ITGA2: variants seen among roughly 807,000 people sequenced by gnomAD.
The protein encoded by ITGA2 is integrin alpha-2.
In ITGA2, 101 loss-of-function variants were observed where a neutral mutation model predicts 146.3. The observed-to-expected ratio is 0.69, with a 90% CI of 0.59 to 0.81. ITGA2 has a LOEUF of 0.81. Among genes scored for constraint, ITGA2 ranks in the 40% least tolerant of loss-of-function variants. The pLI is 0.00. For synonymous variants in ITGA2, 477 were observed against 487.1 expected (o/e 0.98, Z 0.27); for missense variants, 1,281 against 1,402.7 (o/e 0.91, Z 1.39).
chr5:53,029,883 G>A (rs1163158616), intron 2 of ITGA2, among the ~76,000 whole-genome samples: 1 of 152,210 alleles, frequency 6.6e-6, no homozygotes, highest in African/African-American at 2.4e-5. Flanking sequence ...AGATGTTTGA[G>A]CTGAAAGGGA....
At chr5:53,078,508 C>T (rs1333597588) in intron 23 of ITGA2, among the ~76,000 whole-genome samples, 2 of 152,042 alleles carry the variant, frequency 1.3e-5, no homozygotes, top group Admixed American at 1.3e-4. Flanking sequence ...TATTTAGAAA[C>T]TTGAGAATTG....
chr5:53,059,287 C>G (rs1744794142), intron 10 of ITGA2, among the ~76,000 whole-genome samples: 1 of 151,840 alleles, frequency 6.6e-6, no homozygotes, highest in African/African-American at 2.4e-5. Context: ...AAAGTTGCCT[C>G]TTGTAGCTGT....
intron 6 of ITGA2, 98 bp downstream of exon 6, chr5:53,048,868 A>G (rs1744217865): frequency 1.6e-6 from 2 of 1,288,134 alleles, no homozygotes; most frequent in South Asian, 2.5e-5. Flanking sequence ...CCAAATCCCC[A>G]TTTTAAATGC....
intron 1 of ITGA2, among the ~76,000 whole-genome samples, chr5:53,024,781 CAG>C (rs982735224): frequency 2.0e-5 from 3 of 152,116 alleles, no homozygotes; most frequent in Non-Finnish European, 2.9e-5. Flanking sequence ...GGCTGGAACA[CAG>C]GGAGGGAGGA....
chr5:53,026,950 G>T, intron 2 of ITGA2, 82 bp downstream of exon 2: 1 of 1,241,826 alleles, frequency 8.1e-7, no homozygotes, highest in South Asian at 1.3e-5. Context: ...TTTCAAATTG[G>T]TGCCTGACTG....
chr5:53,086,549 A>C (rs1746165008), intron 27 of ITGA2, among the ~76,000 whole-genome samples: 1 of 152,222 alleles, frequency 6.6e-6, no homozygotes, highest in Non-Finnish European at 1.5e-5. Context: ...TGCCAAGTTT[A>C]CAATTTTCTC....
At chr5:53,079,044 C>T (rs1446454447) in intron 24 of ITGA2, among the ~76,000 whole-genome samples, 170 bp downstream of exon 24, 2 of 152,144 alleles carry the variant, frequency 1.3e-5, no homozygotes, top group Non-Finnish European at 2.9e-5. Context: ...AGATGCTGGG[C>T]TTTATCTCCA....
chr5:52,989,376 A>G lies in ITGA2; in HGVS notation c.-93A>G, dbSNP rs1001815408. 4 of 1,316,810 alleles carry G rather than the reference A, an allele frequency of 3.0e-6. No individual in the cohort carries two copies. The highest frequency in any genetic ancestry group is 1.4e-5 in the African/African-American group (1 of 69,346). The allele number at this position is 1,316,810 out of a possible 1,614,324, so 81.6% of individuals were successfully genotyped here. ...GAGAGAAGCCCTCTGGACAGCTTCT[A>G]GAGTGTGCAGGTTCTCGTATCCCTC... is the stretch of plus-strand genomic sequence containing the variant. On this transcript the variant is annotated 5_prime_UTR_variant, in exon 1 of 30. Coordinates refer to ENST00000296585, the MANE Select transcript of ITGA2 (RefSeq NM_002203.4).
chr5:52,991,298 G>A (rs945550210), intron 1 of ITGA2, among the ~76,000 whole-genome samples: 1 of 152,052 alleles, frequency 6.6e-6, no homozygotes, highest in Non-Finnish European at 1.5e-5. Flanking sequence ...AAGCAGCATC[G>A]TTTTTTGGTA....
chr5:52,994,429 G>A (rs571953153), intron 1 of ITGA2, among the ~76,000 whole-genome samples: 1 of 152,308 alleles, frequency 6.6e-6, no homozygotes, highest in African/African-American at 2.4e-5. Flanking sequence ...CAGGCATCTG[G>A]GCTGTGTCTG....
chr5:53,044,199 C>T (rs3212671), intron 3 of ITGA2, among the ~76,000 whole-genome samples: 3,305 of 128,854 alleles, frequency 0.026, 64 homozygotes, highest in Admixed American at 0.036. Flanking sequence ...TGCTAGAACC[C>T]GGGAGGCAGA....
chr5:52,998,354 T>C (rs1022997673), intron 1 of ITGA2, among the ~76,000 whole-genome samples: 2 of 152,124 alleles, frequency 1.3e-5, no homozygotes, highest in Non-Finnish European at 2.9e-5. Context: ...CTCGAGAGGC[T>C]GAGGCAGGAG....
intron 2 of ITGA2, among the ~76,000 whole-genome samples, chr5:53,040,534 T>G (rs568802405): frequency 1.3e-5 from 2 of 152,294 alleles, no homozygotes; most frequent in Admixed American, 6.5e-5. Context: ...AACATTCAGA[T>G]TTCTATCTTT....
At chr5:53,027,150 A>G (rs1475642057) in intron 2 of ITGA2, among the ~76,000 whole-genome samples, 1 of 146,056 alleles carries the variant, frequency 6.8e-6, no homozygotes, top group Non-Finnish European at 1.5e-5. Context: ...AGGTAGGTAG[A>G]TTGATAGAAT....
At position 53,035,634 on chromosome 5, in the gene ITGA2, T is replaced by G. The variant is rs985265007; in HGVS notation, c.186-6478T>G. Among the ~76,000 whole-genome samples the G allele has an allele frequency of 4.6e-5, 7 of 152,296 alleles. No homozygotes were observed. The South Asian group carries it at 1.2e-3, about 27-fold the overall frequency. On this transcript the variant is annotated intron_variant, in intron 2 of 29. Transcript: ENST00000296585. ...AACCTAAAAAATGAAATGACTCTTT[T>G]TACCTGTCTTCCTTCTTCCCAGAGA...
intron 1 of ITGA2, among the ~76,000 whole-genome samples, chr5:53,010,792 C>G (rs1742085645): frequency 6.6e-6 from 1 of 152,136 alleles, no homozygotes; most frequent in Non-Finnish European, 1.5e-5. Flanking sequence ...GTCTTAATCA[C>G]TGGAACCAGT....
Position 53,067,189 on chromosome 5 carries a change from A to G in ITGA2, c.2015A>G (p.Asn672Ser). The G allele has an allele frequency of 6.2e-7, 1 of 1,611,768 alleles. No individual in the cohort carries two copies. The highest frequency in any genetic ancestry group is 2.2e-5 in the East Asian group (1 of 44,630). Residue 672 changes from asparagine to serine, a missense_variant, in exon 16 of 30, where the codon AAT becomes AGT. This residue lies in a region of ITGA2 where 795 missense variants were observed against 841.7 expected (regional missense o/e 0.94). Transcript: ENST00000296585. ...GAAAAAATCACTTTGGTCAACAAGAATGCTCAGATAATTCTCAAACTCTGC... is the reference window on the plus strand; with the variant it reads ...GAAAAAATCACTTTGGTCAACAAGAGTGCTCAGATAATTCTCAAACTCTGC... ...TPEKITLVNK[N>S]AQIILKLCFS...
Position 53,081,696 on chromosome 5 carries a change from G to C in ITGA2, c.3144G>C (p.Leu1048Phe). Residue 1048 changes from leucine to phenylalanine, a missense_variant and splice_region_variant, in exon 26 of 30, where the codon TTG becomes TTC. Physicochemically the swap from Leu to Phe is conservative, Grantham distance 22 (BLOSUM62 0). This residue lies in a region of ITGA2 where 475 missense variants were observed against 530.5 expected (regional missense o/e 0.90). Transcript: ENST00000296585. ...AAAATTTCAGGCACACCAAAGAATT[G>C]GTGAGGACAAGTTAACGTGTGAAAG... Reference protein sequence around the residue: ...KSENFRHTKELNCRTASCSNV... With the variant: ...KSENFRHTKEFNCRTASCSNV... The C allele has an allele frequency of 1.2e-6, 2 of 1,601,022 alleles. No individual in the cohort carries two copies. Among genetic ancestry groups the C allele is most frequent in the Non-Finnish European group, 1.7e-6 (2 of 1,169,220 alleles).
At chr5:53,043,906 C>T (rs982787735) in intron 3 of ITGA2, among the ~76,000 whole-genome samples, 1 of 152,072 alleles carries the variant, frequency 6.6e-6, no homozygotes, top group Admixed American at 6.5e-5. Flanking sequence ...CCCTGGAAGT[C>T]TGATTCATCT....
Sources: allele counts gnomAD v4.1 joint callset (sites outside exome capture counted in the v4.1 genomes callset), GRCh38; gene constraint gnomAD v4.1.1; regional missense constraint gnomAD v4.1.1; transcripts MANE v1.5; gene names NCBI Gene and HGNC (gene_info 2026-07-23, HGNC 2026-07-21).